Variants in DRAM1 observed in about 807,000 individuals in gnomAD.
The protein encoded by DRAM1 is DNA damage-regulated autophagy modulator protein 1.
In DRAM1, 25 loss-of-function variants were observed where a neutral mutation model predicts 28.5. That is an observed-to-expected ratio of 0.88 (90% CI 0.64 to 1.23). DRAM1 has a LOEUF of 1.23. DRAM1 is among the 50% of genes most tolerant of loss of function. The pLI, the probability that DRAM1 is intolerant of heterozygous loss-of-function variation, is 0.00. For missense variants in DRAM1, 249 were observed against 299.2 expected (o/e 0.83, Z 1.24); for synonymous variants, 113 against 114.2 (o/e 0.99, Z 0.07).
chr12:101,880,336 G>A (rs1051865097), intron 1 of DRAM1, among the ~76,000 whole-genome samples: 22 of 139,816 alleles, frequency 1.6e-4, no homozygotes, highest in Non-Finnish European at 3.0e-4. Flanking sequence ...CGCCCAGGCT[G>A]GAGTGCAATG....
intron 5 of DRAM1, among the ~76,000 whole-genome samples, chr12:101,916,943 G>T (rs977073061): frequency 6.6e-6 from 1 of 152,194 alleles, no homozygotes; most frequent in Non-Finnish European, 1.5e-5. Flanking sequence ...ACAACACATT[G>T]TGGAAATGCA....
In DRAM1 at chr12:101,885,818, G is replaced by C. The variant is rs556969378; in HGVS notation, c.131+7898G>C. 3.2e-4 allele frequency among the ~76,000 whole-genome samples: 49 copies of C among 152,122 alleles called. No individual in the cohort carries two copies. The South Asian group carries it at 1.0e-2, about 31-fold the overall frequency. On this transcript the variant is annotated intron_variant, in intron 1 of 6. Coordinates refer to ENST00000258534, the MANE Select transcript of DRAM1 (RefSeq NM_018370.3). ...GCTGGGATTACAGGTGTGAGCCACC[G>C]CGTCCGGCCTCCCAGTGGCCATTCT...
intron 1 of DRAM1, among the ~76,000 whole-genome samples, chr12:101,887,001 C>T (rs965041155): frequency 1.3e-5 from 2 of 152,002 alleles, no homozygotes; most frequent in South Asian, 2.1e-4. Flanking sequence ...CAAAATTAGC[C>T]GGGCATGGTG....
chr12:101,897,206 TA>T (rs1481350563), intron 1 of DRAM1, among the ~76,000 whole-genome samples: 2 of 94,924 alleles, frequency 2.1e-5, no homozygotes, highest in South Asian at 3.4e-4. Flanking sequence ...GATTTATTTT[TA>T]TTTTTTTTTT....
At chr12:101,885,905 A>G (rs1007690085) in intron 1 of DRAM1, among the ~76,000 whole-genome samples, 1 of 152,152 alleles carries the variant, frequency 6.6e-6, no homozygotes, top group Non-Finnish European at 1.5e-5. Flanking sequence ...TATATGCTCC[A>G]TGAGGATAGA....
intron 1 of DRAM1, among the ~76,000 whole-genome samples, chr12:101,893,914 GT>G (rs148100861): frequency 6.8e-6 from 1 of 147,882 alleles, no homozygotes; most frequent in East Asian, 2.0e-4. Context: ...TCACCTGTAT[GT>G]TTTTTTTTAA....
At chr12:101,878,470 T>C (rs1416949165) in intron 1 of DRAM1, among the ~76,000 whole-genome samples, 2 of 152,198 alleles carry the variant, frequency 1.3e-5, no homozygotes, top group Admixed American at 1.3e-4. Flanking sequence ...AGCAACACTG[T>C]GCTGCCCCCA....
intron 1 of DRAM1, among the ~76,000 whole-genome samples, chr12:101,896,792 CTT>C (rs965112322): frequency 1.4e-5 from 2 of 144,876 alleles, no homozygotes. Context: ...TTTTCTTTTT[CTT>C]TTTTTTTTTT....
At chr12:101,895,194 T>G (rs1414173967) in intron 1 of DRAM1, among the ~76,000 whole-genome samples, 15 of 126,448 alleles carry the variant, frequency 1.2e-4, no homozygotes, top group Middle Eastern at 7.5e-3. Flanking sequence ...AGGTTTTTTT[T>G]TTTTTTTTTT....
At chr12:101,912,378 T>C (rs922333628) in intron 4 of DRAM1, among the ~76,000 whole-genome samples, 2 of 152,218 alleles carry the variant, frequency 1.3e-5, no homozygotes, top group African/African-American at 4.8e-5. Flanking sequence ...GTCATTGCTG[T>C]ACCCAGTTCT....
At chr12:101,888,895 T>C (rs533035497) in intron 1 of DRAM1, among the ~76,000 whole-genome samples, 1 of 148,224 alleles carries the variant, frequency 6.7e-6, no homozygotes. Flanking sequence ...GCGTCTGCCT[T>C]CCGGGCTCAA....
intron 1 of DRAM1, among the ~76,000 whole-genome samples, chr12:101,896,367 T>G (rs1228346550): frequency 6.6e-6 from 1 of 152,202 alleles, no homozygotes; most frequent in East Asian, 1.9e-4. Context: ...GTAGAAACAC[T>G]CAAAATGAGT....
intron 1 of DRAM1, among the ~76,000 whole-genome samples, chr12:101,883,103 A>C (rs1378579710): frequency 1.3e-5 from 2 of 151,100 alleles, no homozygotes; most frequent in African/African-American, 4.8e-5. Context: ...GGGAAAAAGC[A>C]AGATGCAGAA....
At chr12:101,896,043 T>G (rs542212599) in intron 1 of DRAM1, among the ~76,000 whole-genome samples, 19 of 152,026 alleles carry the variant, frequency 1.2e-4, no homozygotes, top group African/African-American at 4.6e-4. Context: ...CCCACCACCA[T>G]GCTTAGCTAA....
chr12:101,877,899 A>T lies in DRAM1; in HGVS notation c.110A>T (p.Asn37Ile), dbSNP rs774126957. ...GTCGCCGTGCTCTCCGGGCACGTCA[A>T]CCCCTTCCTCCCGTATATCAGGTGA... Reference protein sequence around the residue: ...YVVAVLSGHVNPFLPYISDTG... With the variant: ...YVVAVLSGHVIPFLPYISDTG... The change falls in exon 1 of 7, where the codon AAC becomes ATC. Residue 37 changes from asparagine to isoleucine, a missense_variant. This residue lies in a region of DRAM1 where 218 missense variants were observed against 243.1 expected (regional missense o/e 0.90). Coordinates refer to ENST00000258534, the MANE Select transcript of DRAM1 (RefSeq NM_018370.3). This position sits in a 1 kb window ranked among gnomAD's most constrained non-coding sequence, Gnocchi z 4.1. 4.8e-5 allele frequency: 74 copies of T among 1,539,044 alleles called. No individual in the cohort carries two copies. The highest frequency in any genetic ancestry group is 6.1e-5 in the Non-Finnish European group (69 of 1,139,704).
rs1874471171 is a variant in DRAM1 at position 101,921,253 on chromosome 12, A to G, written c.710A>G (p.Asp237Gly). The G allele has an allele frequency of 6.2e-7, 1 of 1,606,868 alleles. No homozygotes were observed. Among genetic ancestry groups the G allele is most frequent in the Non-Finnish European group, 8.5e-7 (1 of 1,173,426 alleles). Residue 237 changes from aspartate to glycine, a missense_variant, in exon 7 of 7, where the codon GAT (aspartate) becomes GGT (glycine). Coordinates refer to ENST00000258534, the MANE Select transcript of DRAM1 (RefSeq NM_018370.3). ...TLRISTEING[D>G]I ...AGGATATCCACAGAAATCAATGGTG[A>G]TATTTGAAGAAAGAAGAATTCAGTC...
Position 101,901,390 on chromosome 12 carries a change from G to A in DRAM1, c.299G>A (p.Gly100Glu). Residue 100 changes from glycine to glutamate, a missense_variant, in exon 3 of 7, where the codon GGA (glycine) becomes GAA (glutamate). Physicochemically the swap from Gly to Glu is moderately conservative, Grantham distance 98. Around this residue, in one of 3 missense-constraint regions of DRAM1, gnomAD observed 218 missense variants for 243.1 expected, o/e 0.90. Coordinates refer to ENST00000258534, the MANE Select transcript of DRAM1 (RefSeq NM_018370.3). ...TTTAACTTGGTGTCTTTAGTGCTTG[G>A]ATTGGTGGGATGTTTCGGAATGGGC... ...PVFNLVSLVLGLVGCFGMGIV... is the reference protein window; with the variant it reads ...PVFNLVSLVLELVGCFGMGIV... 6.2e-7 allele frequency: 1 copy of A among 1,614,148 alleles called. No individual in the cohort carries two copies. The highest frequency in any genetic ancestry group is 8.5e-7 in the Non-Finnish European group (1 of 1,180,036).
intron 1 of DRAM1, among the ~76,000 whole-genome samples, chr12:101,892,817 T>C (rs1873189891): frequency 6.6e-6 from 1 of 152,228 alleles, no homozygotes; most frequent in Non-Finnish European, 1.5e-5. Context: ...CTGATAGATT[T>C]GGGAATTTGT....
At chr12:101,883,032 C>T (rs1872744632) in intron 1 of DRAM1, among the ~76,000 whole-genome samples, 1 of 150,910 alleles carries the variant, frequency 6.6e-6, no homozygotes, top group Non-Finnish European at 1.5e-5. Flanking sequence ...GCTCTCTGTA[C>T]CTAGCAGATT....
Sources: gnomAD v4.1 joint callset for allele counts (sites outside exome capture counted in the v4.1 genomes callset) on GRCh38, gnomAD v4.1.1 for gene constraint, gnomAD v4.1.1 regional missense constraint, Gnocchi (gnomAD v3.1) non-coding constraint, MANE v1.5 for transcripts, NCBI Gene and HGNC (gene_info 2026-07-23, HGNC 2026-07-21) for gene names.